Variants in ADSS2 observed in about 807,000 individuals in gnomAD.
The protein encoded by ADSS2 is adenylosuccinate synthetase isozyme 2.
In ADSS2, 30 loss-of-function variants were observed where a neutral mutation model predicts 60.0. The ratio of observed to expected loss-of-function variants is 0.50; its 90% CI spans 0.37 to 0.68. The LOEUF is 0.68. Ranked by LOEUF, ADSS2 falls within the 30% of genes least tolerant of loss-of-function variation. The pLI, the probability that ADSS2 is intolerant of heterozygous loss-of-function variation, is 0.00. For missense variants in ADSS2, 373 were observed against 554.8 expected, an observed-to-expected ratio of 0.67 and a Z score of 3.29; for synonymous variants, 187 against 193.1, an observed-to-expected ratio of 0.97 and a Z score of 0.26.
chr1:244,416,000 T>A lies in ADSS2; in HGVS notation c.1149A>T (p.Glu383Asp). Reference sequence around the variant, plus strand: ...AAATACCTGGGATATGAGGTATGATTTCACCATCTAACTTGTAAGCAACTC... The same window carrying A: ...AAATACCTGGGATATGAGGTATGATATCACCATCTAACTTGTAAGCAACTC... ...KVGVAYKLDGEIIPHIPANQE... is the reference protein window; with the variant it reads ...KVGVAYKLDGDIIPHIPANQE... The change falls in exon 11 of 13, where the codon GAA becomes GAT. Residue 383 changes from glutamate (E) to aspartate (D), a missense_variant. By Grantham distance (45) the Glu-to-Asp change is conservative (BLOSUM62 2). Around this residue, in one of 5 missense-constraint regions of ADSS2, gnomAD observed 130 missense variants for 169.4 expected, o/e 0.77. Transcript: ENST00000366535. The A allele has an allele frequency of 1.2e-6, 2 of 1,612,640 alleles. No homozygotes were observed. Among genetic ancestry groups the A allele is most frequent in the Non-Finnish European group, 1.7e-6 (2 of 1,178,832 alleles).
rs151181349 is a variant in ADSS2 at position 244,437,922 on chromosome 1, T to C, written c.184-154A>G. Among the ~76,000 whole-genome samples the C allele has an allele frequency of 7.2e-3, 1,096 of 152,282 alleles. 27 individuals are homozygous for C. The highest frequency in any genetic ancestry group is 6.3e-3 in the Non-Finnish European group (428 of 68,000). ...TACTCATTTGTAAAAGGCTTTAAAA[T>C]AGTTTGGCTGTCTCCTTTCCCCACT... On this transcript the variant is annotated intron_variant, in intron 1 of 12. Transcript: ENST00000366535.
At chr1:244,432,498 TTCAG>T in intron 4 of ADSS2, 43 bp downstream of exon 4, 1 of 1,338,016 alleles carries the variant, frequency 7.5e-7, no homozygotes, top group South Asian at 1.3e-5. Flanking sequence ...TTTGATAAAT[TTCAG>T]ATAAAAAGAT....
intron 4 of ADSS2, among the ~76,000 whole-genome samples, chr1:244,425,460 G>T (rs1338238250): frequency 6.6e-6 from 1 of 152,102 alleles, no homozygotes; most frequent in East Asian, 1.9e-4. Flanking sequence ...AGGTTCTTGG[G>T]ATTAGTGGTA....
intron 4 of ADSS2, among the ~76,000 whole-genome samples, chr1:244,431,827 C>T (rs1219096579): frequency 6.6e-6 from 1 of 152,042 alleles, no homozygotes; most frequent in Non-Finnish European, 1.5e-5. Context: ...CTGGAGGGAC[C>T]GTTATTTGAT....
At chr1:244,416,959 A>C (rs1171545388) in intron 10 of ADSS2, among the ~76,000 whole-genome samples, 3 of 152,216 alleles carry the variant, frequency 2.0e-5, no homozygotes, top group Non-Finnish European at 1.5e-5. Context: ...ATTCTCGTCC[A>C]AAAACTGTAT....
Position 244,411,275 on chromosome 1 carries a change from G to GT in ADSS2, c.1318+11dup. ...AAAAGAAAAAACTTATTCACAAAGT[G>GT]TTTATGTTTACCTGGAATTTGAAGC... On this transcript the variant is annotated intron_variant, in intron 12 of 12. Coordinates refer to ENST00000366535, the MANE Select transcript of ADSS2 (RefSeq NM_001126.5). The GT allele has an allele frequency of 3.8e-6, 6 of 1,596,700 alleles. No homozygotes were observed. Among genetic ancestry groups the GT allele is most frequent in the Non-Finnish European group, 5.1e-6 (6 of 1,174,460 alleles).
At chr1:244,423,847 C>A in intron 6 of ADSS2, 106 bp downstream of exon 6, 12 of 760,644 alleles carry the variant, frequency 1.6e-5, no homozygotes, top group South Asian at 4.5e-5. Flanking sequence ...AAAAGCCAAC[C>A]ACCACTATTT....
At chr1:244,413,214 C>T (rs1664453460) in intron 11 of ADSS2, among the ~76,000 whole-genome samples, 1 of 152,108 alleles carries the variant, frequency 6.6e-6, no homozygotes, top group Non-Finnish European at 1.5e-5. Context: ...ATGCATGACA[C>T]AGAGATGATG....
Position 244,420,160 on chromosome 1 carries a change from T to A in ADSS2, c.790+10A>T. 6.2e-7 allele frequency: 1 copy of A among 1,612,602 alleles called. No individual in the cohort carries two copies. The highest frequency in any genetic ancestry group is 1.7e-5 in the Admixed American group (1 of 59,840). ...TAAGCTCCCTTAACTATAAGTCATATCTCACTTACCAAAATCAATATCTAA... is the reference window on the plus strand; with the variant it reads ...TAAGCTCCCTTAACTATAAGTCATAACTCACTTACCAAAATCAATATCTAA... On this transcript the variant is annotated intron_variant, in intron 8 of 12. Transcript: ENST00000366535.
intron 1 of ADSS2, among the ~76,000 whole-genome samples, chr1:244,448,218 G>A (rs751136283): frequency 6.6e-5 from 10 of 152,094 alleles, no homozygotes; most frequent in Non-Finnish European, 2.9e-5. Flanking sequence ...TAATACTAAC[G>A]TTATTTTCTT....
At chr1:244,413,674 G>C (rs1664466782) in intron 11 of ADSS2, among the ~76,000 whole-genome samples, 2 of 152,156 alleles carry the variant, frequency 1.3e-5, no homozygotes, top group African/African-American at 4.8e-5. Flanking sequence ...AGAGTCCCAA[G>C]GCTACAGGAG....
rs1664615125 is a variant in ADSS2 at position 244,419,093 on chromosome 1, A to C, written c.791-179T>G. ...TATTCATTTTAGCTGTAATGACATA[A>C]AAACGAGGTCAGAGCTTTAACGCAA... is the stretch of plus-strand genomic sequence containing the variant. On this transcript the variant is annotated intron_variant, in intron 8 of 12. Transcript: ENST00000366535. The C allele has an allele frequency of 2.4e-5, 15 of 613,196 alleles. No individual in the cohort carries two copies. The South Asian group carries it at 4.2e-4, about 17-fold the overall frequency. 38.0% of individuals were successfully genotyped at this position (613,196 alleles called of 1,614,324 possible).
intron 1 of ADSS2, among the ~76,000 whole-genome samples, chr1:244,448,172 CA>C (rs760793760): frequency 4.6e-5 from 7 of 152,112 alleles, no homozygotes; most frequent in Non-Finnish European, 7.4e-5. Context: ...AGTAGTCTGG[CA>C]GATCATTTTA....
At chr1:244,420,505 A>G (rs1387912484) in intron 7 of ADSS2, among the ~76,000 whole-genome samples, 1 of 152,204 alleles carries the variant, frequency 6.6e-6, no homozygotes, top group East Asian at 1.9e-4. Flanking sequence ...GCATTGCTCA[A>G]CAAAAACTAG....
intron 7 of ADSS2, among the ~76,000 whole-genome samples, chr1:244,420,636 T>C (rs982753610): frequency 1.3e-5 from 2 of 152,224 alleles, no homozygotes; most frequent in African/African-American, 4.8e-5. Context: ...TATATTACAA[T>C]GTGCTTTTAA....
intron 1 of ADSS2, among the ~76,000 whole-genome samples, chr1:244,439,325 A>G (rs1038669658): frequency 6.6e-6 from 1 of 152,198 alleles, no homozygotes; most frequent in Non-Finnish European, 1.5e-5. Flanking sequence ...CTGCCTGGGT[A>G]ACGCTGCTAA....
In ADSS2 at chr1:244,451,578, A is replaced by G; in HGVS notation, c.183+57T>C. The stretch of plus-strand genomic sequence containing the variant: ...TGGGTCCGAGTTCCCGGGCACCAGG[A>G]GCCAGGCAGCCCGAGCTCCCGGGCC... On this transcript the variant is annotated intron_variant, in intron 1 of 12. Coordinates refer to ENST00000366535, the MANE Select transcript of ADSS2 (RefSeq NM_001126.5). The surrounding 1 kb of genome is among the most constrained non-coding windows in gnomAD (Gnocchi z 6.6). 6.5e-7 allele frequency: 1 copy of G among 1,529,654 alleles called. No homozygotes were observed. The highest frequency in any genetic ancestry group is 2.4e-5 in the East Asian group (1 of 42,014). 94.8% of individuals were successfully genotyped at this position (1,529,654 alleles called of 1,614,324 possible). A position where few individuals can be genotyped will look rare whatever the true frequency, so the allele number is the denominator to read the frequency against.
intron 1 of ADSS2, among the ~76,000 whole-genome samples, chr1:244,442,823 G>A (rs969199977): frequency 2.6e-5 from 4 of 152,176 alleles, no homozygotes; most frequent in Admixed American, 2.0e-4. Flanking sequence ...TTCAGATTAT[G>A]TAAATAGGCA....
rs1298090848 is a variant in ADSS2 at position 244,451,198 on chromosome 1, G to C, written c.183+437C>G. On this transcript the variant is annotated intron_variant, in intron 1 of 12. Coordinates refer to ENST00000366535, the MANE Select transcript of ADSS2 (RefSeq NM_001126.5). The surrounding 1 kb of genome is among the most constrained non-coding windows in gnomAD (Gnocchi z 6.6). Reference sequence around the variant, plus strand: ...ACTCCGCCGCCCTGGGCGGGGCGGGGGGGCGGTGATGGGGGGTTCTGCCGT... The same window carrying C: ...ACTCCGCCGCCCTGGGCGGGGCGGGCGGGCGGTGATGGGGGGTTCTGCCGT... Among the ~76,000 whole-genome samples, 8 of 152,066 alleles carry C rather than the reference G, an allele frequency of 5.3e-5. No individual in the cohort carries two copies.
Sources: gnomAD v4.1 joint callset for allele counts (sites outside exome capture counted in the v4.1 genomes callset) on GRCh38, gnomAD v4.1.1 for gene constraint, gnomAD v4.1.1 regional missense constraint, Gnocchi (gnomAD v3.1) non-coding constraint, MANE v1.5 for transcripts, NCBI Gene and HGNC (gene_info 2026-07-23, HGNC 2026-07-21) for gene names.